Variants in USH2A observed in about 807,000 individuals in gnomAD.
The protein encoded by USH2A is usherin.
USH2A carries 443 observed loss-of-function variants against 538.9 expected under a neutral mutation model. That is an observed-to-expected ratio of 0.82 (90% CI 0.76 to 0.89). USH2A has a LOEUF of 0.89. Ranked by LOEUF, USH2A falls within the 40% of genes least tolerant of loss-of-function variation. USH2A has a pLI of 0.00. For missense variants in USH2A, 6,633 were observed against 6,324.8 expected, an observed-to-expected ratio of 1.05 and a Z score of -1.65; for synonymous variants, 2,413 against 2,273.5, an observed-to-expected ratio of 1.06 and a Z score of -1.75.
At chr1:215,887,755 C>T (rs188409954) in intron 41 of USH2A, among the ~76,000 whole-genome samples, 8 of 152,232 alleles carry the variant, frequency 5.3e-5, no homozygotes, top group South Asian at 2.1e-4. Context: ...TTTTGTGCTC[C>T]GGTGAGCAAG....
At chr1:215,872,106 C>T (rs547678253) in intron 43 of USH2A, among the ~76,000 whole-genome samples, 38 of 152,228 alleles carry the variant, frequency 2.5e-4, no homozygotes, top group Non-Finnish European at 5.0e-4. Context: ...TCTTCCTCAT[C>T]TCTGCCACAA....
intron 67 of USH2A, 28 bp downstream of exon 67, chr1:215,647,494 G>A: frequency 6.2e-7 from 1 of 1,612,722 alleles, no homozygotes; most frequent in South Asian, 1.1e-5. Context: ...AATCTCTCTG[G>A]CTTATGGTAG....
At position 215,952,447 on chromosome 1, in the gene USH2A, G is replaced by A. The variant is rs191778211; in HGVS notation, c.7120+12870C>T. 4.6e-3 allele frequency among the ~76,000 whole-genome samples: 705 copies of A among 152,214 alleles called. 7 individuals carry two copies. The highest frequency in any genetic ancestry group is 0.016 in the African/African-American group (663 of 41,540). On this transcript the variant is annotated intron_variant, in intron 37 of 71. Coordinates refer to ENST00000307340, the MANE Select transcript of USH2A (RefSeq NM_206933.4). ...ATGATGTTAGCTGGTTATTTTGCTC[G>A]TTAGTTGATGCAGTTTCTTCCTAGC...
chr1:215,697,241 G>A (rs1658846902), intron 61 of USH2A, among the ~76,000 whole-genome samples: 1 of 151,898 alleles, frequency 6.6e-6, no homozygotes, highest in Non-Finnish European at 1.5e-5. Flanking sequence ...TTACAGGTGT[G>A]AGTCACCTCA....
intron 41 of USH2A, among the ~76,000 whole-genome samples, chr1:215,887,462 T>A (rs1665090067): frequency 6.6e-6 from 1 of 152,226 alleles, no homozygotes; most frequent in Non-Finnish European, 1.5e-5. Flanking sequence ...ATAAACATCG[T>A]ATATCGTGTA....
Position 215,680,372 on chromosome 1 carries a change from G to T in USH2A, c.12071C>A (p.Thr4024Lys). The T allele has an allele frequency of 6.2e-7, 1 of 1,611,684 alleles. No individual in the cohort carries two copies. Reference protein sequence around the residue: ...PTVHAFTVKGTSHQAHLYGLE... With the variant: ...PTVHAFTVKGKSHQAHLYGLE... The stretch of plus-strand genomic sequence containing the variant: ...CCCGTACAGGTGGGCTTGATGGCTT[G>T]TTCCCTGTAAGAAAATTAACAGGTT... The change falls in exon 62 of 72, where the codon ACA becomes AAA. Residue 4024 changes from threonine (T) to lysine (K), a missense_variant. By Grantham distance (78) the Thr-to-Lys change is moderately conservative (BLOSUM62 -1). Transcript: ENST00000307340.
chr1:216,262,853 T>C (rs1276367807), intron 11 of USH2A, among the ~76,000 whole-genome samples: 2 of 151,720 alleles, frequency 1.3e-5, no homozygotes, highest in South Asian at 2.1e-4. Context: ...AAACAAAAAG[T>C]TGATATTTTG....
At chr1:216,258,320 C>A (rs538359552) in intron 11 of USH2A, among the ~76,000 whole-genome samples, 4 of 152,022 alleles carry the variant, frequency 2.6e-5, no homozygotes, top group Non-Finnish European at 5.9e-5. Context: ...AAATATCCCA[C>A]GAATCATAAA....
At chr1:215,979,134 G>A (rs1350501343) in intron 35 of USH2A, among the ~76,000 whole-genome samples, 2 of 152,128 alleles carry the variant, frequency 1.3e-5, no homozygotes, top group East Asian at 1.9e-4. Flanking sequence ...CATGGCAGCA[G>A]GTAAGACAGC....
At chr1:215,695,316 T>C (rs956224534) in intron 61 of USH2A, among the ~76,000 whole-genome samples, 1 of 152,202 alleles carries the variant, frequency 6.6e-6, no homozygotes, top group Admixed American at 6.5e-5. Context: ...GATTTGGAAT[T>C]TTATTTGTTA....
At chr1:216,392,491 CAAAA>C in intron 3 of USH2A, among the ~76,000 whole-genome samples, 1 of 49,480 alleles carries the variant, frequency 2.0e-5, no homozygotes, top group Non-Finnish European at 3.8e-5. Context: ...GACTCCGTCT[CAAAA>C]AAAAAAAAAA....
intron 12 of USH2A, 25 bp downstream of exon 12, chr1:216,250,877 AC>A: frequency 6.2e-7 from 1 of 1,611,304 alleles, no homozygotes; most frequent in East Asian, 2.2e-5. Flanking sequence ...TAGAGATGTG[AC>A]TGTAAACTTT....
Position 215,716,595 on chromosome 1 carries a change from G to A in USH2A, c.12066+11435C>T, listed in dbSNP as rs138493815. 2.0e-4 allele frequency among the ~76,000 whole-genome samples: 30 copies of A among 152,240 alleles called. No homozygotes were observed. In the East Asian group the frequency reaches 2.3e-3, roughly 12 times the overall value. On this transcript the variant is annotated intron_variant, in intron 61 of 71. Transcript: ENST00000307340. ...CTTGTGTCTTGTCAAAAAGTAACAT[G>A]TACATCCGTTAAAAATATACTGTAA...
intron 20 of USH2A, among the ~76,000 whole-genome samples, chr1:216,188,073 G>T (rs1473169805): frequency 6.6e-6 from 1 of 151,844 alleles, no homozygotes; most frequent in Non-Finnish European, 1.5e-5. Context: ...GGATTCAGAG[G>T]GCTCTGACTA....
At chr1:216,323,444 C>A (rs1362862247) in intron 8 of USH2A, 30 bp downstream of exon 8, 2 of 1,609,660 alleles carry the variant, frequency 1.2e-6, no homozygotes, top group South Asian at 1.1e-5. Context: ...ATGACAAAAA[C>A]CTTGTTGAAA....
chr1:215,773,591 C>A (rs1443600475), intron 55 of USH2A, among the ~76,000 whole-genome samples: 1 of 151,574 alleles, frequency 6.6e-6, no homozygotes, highest in Non-Finnish European at 1.5e-5. Context: ...TTCTATTAAA[C>A]TTTCCACTCC....
intron 64 of USH2A, 132 bp downstream of exon 64, chr1:215,670,840 T>A (rs1337356534): frequency 2.1e-6 from 2 of 932,296 alleles, no homozygotes; most frequent in African/African-American, 1.7e-5. Flanking sequence ...TAAAAATTTT[T>A]AAGGAATATT....
intron 46 of USH2A, among the ~76,000 whole-genome samples, chr1:215,843,171 T>C (rs1663732613): frequency 6.6e-6 from 1 of 152,138 alleles, no homozygotes; most frequent in African/African-American, 2.4e-5. Flanking sequence ...AATGAGGTAG[T>C]ACTATTAAAT....
chr1:215,782,819 C>G lies in USH2A; in HGVS notation c.10504G>C (p.Val3502Leu), dbSNP rs779729892. 4 of 1,613,888 alleles carry G rather than the reference C, an allele frequency of 2.5e-6. No individual in the cohort carries two copies. Among genetic ancestry groups the G allele is most frequent in the African/African-American group, 2.7e-5 (2 of 74,922 alleles). Residue 3502 changes from valine (V) to leucine (L), a missense_variant, in exon 53 of 72, where the codon GTG becomes CTG. Transcript: ENST00000307340. ...ARTKEDVPQG[V>L]SPPTWTKIDN... ...ATTTTGGTCCACGTAGGGGGACTCA[C>G]TCCTTGAGGCACATCTTCTTTTGTT...
Sources: gnomAD v4.1 joint callset for allele counts (sites outside exome capture counted in the v4.1 genomes callset) on GRCh38, gnomAD v4.1.1 for gene constraint, MANE v1.5 for transcripts, NCBI Gene and HGNC (gene_info 2026-07-23, HGNC 2026-07-21) for gene names.